The following SDK1 variants were observed in gnomAD, a reference collection of about 807,000 sequenced individuals.
The protein encoded by SDK1 is sidekick cell adhesion molecule 1, also known as protein sidekick-1.
SDK1 carries 157 observed loss-of-function variants against 245.5 expected under a neutral mutation model. The ratio of observed to expected loss-of-function variants is 0.64; its 90% CI spans 0.56 to 0.73. The LOEUF (loss-of-function observed/expected upper bound fraction) is 0.73. Among genes scored for constraint, SDK1 ranks in the 30% least tolerant of loss-of-function variants. SDK1 has a pLI of 0.00. For synonymous variants in SDK1, 1,647 were observed against 1,278.5 expected (o/e 1.29, Z -6.15); for missense variants, 3,583 against 3,002.3 (o/e 1.19, Z -4.52).
intron 14 of SDK1, among the ~76,000 whole-genome samples, chr7:3,995,343 C>G (rs1217723373): frequency 6.6e-6 from 1 of 152,168 alleles, no homozygotes; most frequent in Non-Finnish European, 1.5e-5. Flanking sequence ...AAGGTGCTAC[C>G]CCATCTCCTC....
chr7:3,631,455 G>T lies in SDK1; in HGVS notation c.459-7549G>T, dbSNP rs189825053. Among the ~76,000 whole-genome samples the T allele has an allele frequency of 4.6e-5, 7 of 152,294 alleles. 1 individual carries two copies. The highest frequency in any genetic ancestry group is 3.9e-4 in the Admixed American group (6 of 15,290). ...TTTCATTTTCCTAAACTTGGTTTAT[G>T]TCAGCTCTCTTTTTCTAGTTAACTC... On this transcript the variant is annotated intron_variant, in intron 2 of 44. Coordinates refer to ENST00000404826, the MANE Select transcript of SDK1 (RefSeq NM_152744.4).
chr7:3,684,163 C>G (rs1332387784), intron 4 of SDK1, among the ~76,000 whole-genome samples: 1 of 152,334 alleles, frequency 6.6e-6, no homozygotes, highest in African/African-American at 2.4e-5. Flanking sequence ...CGTGCAGTCT[C>G]AGCAGGTCTA....
intron 1 of SDK1, among the ~76,000 whole-genome samples, chr7:3,462,542 T>C (rs1024681874): frequency 6.6e-6 from 1 of 152,168 alleles, no homozygotes; most frequent in African/African-American, 2.4e-5. Flanking sequence ...ATCACGTCTA[T>C]CTACCTGTTA....
At chr7:3,997,578 C>G (rs983876550) in intron 14 of SDK1, among the ~76,000 whole-genome samples, 4 of 152,182 alleles carry the variant, frequency 2.6e-5, no homozygotes, top group African/African-American at 9.7e-5. Flanking sequence ...GTCTGCAGCT[C>G]TCAGCAGAGG....
At chr7:3,744,146 G>C (rs1482272633) in intron 4 of SDK1, among the ~76,000 whole-genome samples, 2 of 151,986 alleles carry the variant, frequency 1.3e-5, no homozygotes, top group Admixed American at 6.6e-5. Flanking sequence ...CTATTCCTAA[G>C]ATTTTTCCAT....
In SDK1 at chr7:4,051,719, C is replaced by T. The variant is rs983569335; in HGVS notation, c.2800C>T (p.His934Tyr). Residue 934 changes from histidine to tyrosine, a missense_variant, in exon 19 of 45, where the codon CAC becomes TAC. His to Tyr is a moderately conservative substitution (Grantham distance 83). Coordinates refer to ENST00000404826, the MANE Select transcript of SDK1 (RefSeq NM_152744.4). The stretch of plus-strand genomic sequence containing the variant: ...AGATTTCCACGGAGTCCACCATGGA[C>T]ACATAACGAACCTGAAGAAGTTTAC... ...APDFHGVHHGHITNLKKFTAY... is the reference protein window; with the variant it reads ...APDFHGVHHGYITNLKKFTAY... 1 of 1,613,996 alleles carries T rather than the reference C, an allele frequency of 6.2e-7. No homozygotes were observed. The highest frequency in any genetic ancestry group is 8.5e-7 in the Non-Finnish European group (1 of 1,179,950).
intron 4 of SDK1, among the ~76,000 whole-genome samples, chr7:3,738,321 G>A (rs143828762): frequency 6.6e-6 from 1 of 152,260 alleles, no homozygotes; most frequent in Non-Finnish European, 1.5e-5. Context: ...TCCATTGAAT[G>A]GTCTTGGCAC....
At chr7:3,623,594 G>C (rs558605270) in intron 2 of SDK1, among the ~76,000 whole-genome samples, 7 of 152,194 alleles carry the variant, frequency 4.6e-5, no homozygotes, top group East Asian at 1.9e-4. Flanking sequence ...TGGCACAGGT[G>C]ACTACATTAG....
chr7:4,056,300 G>A (rs987312988), intron 19 of SDK1, among the ~76,000 whole-genome samples: 2 of 152,034 alleles, frequency 1.3e-5, no homozygotes, highest in African/African-American at 4.8e-5. Context: ...CACCTCTGGG[G>A]GGTGTAGCTT....
At chr7:4,236,820 TG>T (rs1273379363) in intron 41 of SDK1, among the ~76,000 whole-genome samples, 11 of 152,024 alleles carry the variant, frequency 7.2e-5, no homozygotes, top group Non-Finnish European at 1.2e-4. Flanking sequence ...GGAGCTGTTT[TG>T]GGGGGTGTCC....
At chr7:3,342,159 A>G (rs762180611) in intron 1 of SDK1, among the ~76,000 whole-genome samples, 9 of 152,242 alleles carry the variant, frequency 5.9e-5, no homozygotes, top group Non-Finnish European at 7.3e-5. Context: ...ATTCTTCTCA[A>G]CAAATGGTGT....
At chr7:3,656,974 C>T (rs1333347417) in intron 4 of SDK1, among the ~76,000 whole-genome samples, 1 of 152,008 alleles carries the variant, frequency 6.6e-6, no homozygotes, top group African/African-American at 2.4e-5. Flanking sequence ...GTCTCAATCT[C>T]CTGACCTCAT....
At chr7:3,418,131 T>G (rs1583827779) in intron 1 of SDK1, among the ~76,000 whole-genome samples, 2 of 105,772 alleles carry the variant, frequency 1.9e-5, no homozygotes, top group African/African-American at 5.4e-5. Flanking sequence ...TGAAACCCGA[T>G]CTCTACTAAA....
At chr7:3,394,626 A>G (rs1781846064) in intron 1 of SDK1, among the ~76,000 whole-genome samples, 1 of 152,086 alleles carries the variant, frequency 6.6e-6, no homozygotes, top group Admixed American at 6.6e-5. Context: ...TGCCATTTTA[A>G]CAATATTGAG....
intron 5 of SDK1, among the ~76,000 whole-genome samples, chr7:3,900,431 C>T (rs192918730): frequency 3.3e-5 from 5 of 152,284 alleles, no homozygotes; most frequent in East Asian, 3.9e-4. Flanking sequence ...AACAACACAA[C>T]GTCATTTTTT....
intron 20 of SDK1, among the ~76,000 whole-genome samples, chr7:4,074,524 C>T (rs932907698): frequency 6.6e-6 from 1 of 151,950 alleles, no homozygotes; most frequent in East Asian, 1.9e-4. Context: ...ATGTCTTAGA[C>T]GTCAGGGTGG....
intron 4 of SDK1, among the ~76,000 whole-genome samples, chr7:3,677,834 A>T (rs1015463224): frequency 6.6e-6 from 1 of 152,236 alleles, no homozygotes; most frequent in Non-Finnish European, 1.5e-5. Context: ...ACCCAGAAAT[A>T]TATTCACACA....
intron 19 of SDK1, among the ~76,000 whole-genome samples, chr7:4,062,758 T>C (rs994906847): frequency 2.0e-5 from 3 of 152,140 alleles, no homozygotes; most frequent in Non-Finnish European, 4.4e-5. Context: ...TAATACACCA[T>C]GCTCATGTGA....
intron 1 of SDK1, among the ~76,000 whole-genome samples, chr7:3,483,981 TA>T (rs1237813709): frequency 1.3e-5 from 2 of 152,232 alleles, no homozygotes; most frequent in Non-Finnish European, 2.9e-5. Flanking sequence ...GATATTTTGA[TA>T]TACGCATATG....
Sources: gnomAD v4.1 joint callset for allele counts (sites outside exome capture counted in the v4.1 genomes callset) on GRCh38, gnomAD v4.1.1 for gene constraint, MANE v1.5 for transcripts, NCBI Gene and HGNC (gene_info 2026-07-23, HGNC 2026-07-21) for gene names.